SMIM14: variants seen among roughly 807,000 people sequenced by gnomAD.
SMIM14 encodes small integral membrane protein 14.
In SMIM14, 5 loss-of-function variants were observed where a neutral mutation model predicts 12.6. The observed-to-expected ratio is 0.40, with a 90% CI of 0.21 to 0.83. The LOEUF is 0.83. Among genes scored for constraint, SMIM14 ranks in the 40% least tolerant of loss-of-function variants. SMIM14 has a pLI of 0.37. For missense variants in SMIM14, 86 were observed against 119.1 expected (o/e 0.72, Z 1.29); for synonymous variants, 30 against 40.1 (o/e 0.75, Z 0.95).
rs780987245 is a variant in SMIM14, at chr4:39,572,469, A to G, written c.76-6T>C. On this transcript the variant is annotated splice_region_variant and splice_polypyrimidine_tract_variant and intron_variant, in intron 2 of 4. Transcript: ENST00000295958. Reference sequence around the variant, plus strand: ...TAGGACTGGGACTGCCGTAACTACAATGAATAAGAAAGGGAAGTTAGTGAT... The same window carrying G: ...TAGGACTGGGACTGCCGTAACTACAGTGAATAAGAAAGGGAAGTTAGTGAT... The G allele has an allele frequency of 3.7e-6, 6 of 1,605,998 alleles. No individual in the cohort carries two copies. Among genetic ancestry groups the G allele is most frequent in the Non-Finnish European group, 4.3e-6 (5 of 1,174,330 alleles).
chr4:39,601,576 G>A (rs1714612513), intron 2 of SMIM14, among the ~76,000 whole-genome samples: 1 of 152,120 alleles, frequency 6.6e-6, no homozygotes, highest in South Asian at 2.1e-4. Flanking sequence ...TACAGGCTGG[G>A]AGTTAACTTA....
intron 3 of SMIM14, among the ~76,000 whole-genome samples, chr4:39,570,583 A>G (rs757834333): frequency 6.6e-6 from 1 of 152,244 alleles, no homozygotes; most frequent in Non-Finnish European, 1.5e-5. Context: ...AGCAAAAAAT[A>G]TATCAGCAAC....
intron 1 of SMIM14, among the ~76,000 whole-genome samples, chr4:39,620,189 A>AG (rs1304483803): frequency 6.6e-6 from 1 of 151,834 alleles, no homozygotes; most frequent in Non-Finnish European, 1.5e-5. Context: ...GAAAAAAAAA[A>AG]AAAAATTCGG....
intron 3 of SMIM14, among the ~76,000 whole-genome samples, chr4:39,564,244 C>T (rs1712463068): frequency 6.6e-6 from 1 of 152,188 alleles, no homozygotes; most frequent in African/African-American, 2.4e-5. Flanking sequence ...TATGCTCTAA[C>T]CCTGTAGTTT....
chr4:39,623,228 A>G (rs1715570225), intron 1 of SMIM14, among the ~76,000 whole-genome samples: 1 of 152,210 alleles, frequency 6.6e-6, no homozygotes, highest in Admixed American at 6.5e-5. Context: ...ATGAAACAAA[A>G]CCACCATGAG....
At chr4:39,555,417 G>C (rs1047885848) in intron 4 of SMIM14, among the ~76,000 whole-genome samples, 4 of 151,798 alleles carry the variant, frequency 2.6e-5, no homozygotes, top group South Asian at 2.1e-4. Flanking sequence ...TATTTTAGTA[G>C]AGACAGGGTT....
intron 1 of SMIM14, among the ~76,000 whole-genome samples, chr4:39,612,986 C>T (rs1715091355): frequency 6.6e-6 from 1 of 152,152 alleles, no homozygotes; most frequent in African/African-American, 2.4e-5. Context: ...AAAGCACAAG[C>T]ACATTGGCTT....
chr4:39,552,477 G>A (rs1199504561), intron 4 of SMIM14, among the ~76,000 whole-genome samples: 2 of 152,150 alleles, frequency 1.3e-5, no homozygotes, highest in Non-Finnish European at 2.9e-5. Context: ...CCAACCCCAG[G>A]AGTGATCTTC....
chr4:39,619,779 A>G (rs1457487346), intron 1 of SMIM14, among the ~76,000 whole-genome samples: 1 of 139,184 alleles, frequency 7.2e-6, no homozygotes, highest in Non-Finnish European at 1.5e-5. Context: ...TAAATAATTT[A>G]TTATATATAT....
intron 2 of SMIM14, among the ~76,000 whole-genome samples, chr4:39,597,088 T>TA (rs1714401394): frequency 9.1e-6 from 1 of 109,308 alleles, no homozygotes; most frequent in African/African-American, 2.7e-5. Context: ...GGTTTCCCTT[T>TA]TTTTTTTTTT....
intron 2 of SMIM14, among the ~76,000 whole-genome samples, chr4:39,601,885 T>G (rs1714627604): frequency 1.3e-5 from 2 of 149,174 alleles, no homozygotes; most frequent in South Asian, 4.2e-4. Flanking sequence ...AGTTCAAGGT[T>G]GCAATGAGCT....
intron 1 of SMIM14, among the ~76,000 whole-genome samples, chr4:39,616,296 T>G (rs1715221141): frequency 6.6e-6 from 1 of 152,096 alleles, no homozygotes; most frequent in Non-Finnish European, 1.5e-5. Flanking sequence ...CCACCATACC[T>G]GGCTAATTTT....
chr4:39,586,883 G>A (rs1713810122), intron 2 of SMIM14, among the ~76,000 whole-genome samples: 2 of 151,984 alleles, frequency 1.3e-5, no homozygotes, highest in Non-Finnish European at 2.9e-5. Context: ...TAGCTGATTT[G>A]GTTCCCAGTG....
At chr4:39,564,342 A>G (rs1712467202) in intron 3 of SMIM14, among the ~76,000 whole-genome samples, 1 of 152,152 alleles carries the variant, frequency 6.6e-6, no homozygotes, top group African/African-American at 2.4e-5. Context: ...TCCCTAATGT[A>G]GATCTGTTAT....
intron 2 of SMIM14, among the ~76,000 whole-genome samples, chr4:39,590,623 G>A (rs544339069): frequency 1.2e-4 from 18 of 151,336 alleles, no homozygotes; most frequent in Non-Finnish European, 2.2e-4. Flanking sequence ...CCAACAAGGC[G>A]AAACCCCGTC....
In SMIM14 at chr4:39,583,418, A is replaced by C. The variant is rs763123788; in HGVS notation, c.76-10955T>G. 2.5e-4 allele frequency among the ~76,000 whole-genome samples: 38 copies of C among 152,056 alleles called. 1 individual carries two copies. Among genetic ancestry groups the C allele is most frequent in the African/African-American group, 8.7e-4 (36 of 41,342 alleles). On this transcript the variant is annotated intron_variant, in intron 2 of 4. Coordinates refer to ENST00000295958, the MANE Select transcript of SMIM14 (RefSeq NM_174921.3). ...TGGGCTATTATTCTAACTGGTTTTA[A>C]GTATTCCGATAATCAGCTTCAGGTC...
chr4:39,596,655 G>A (rs114698983), intron 2 of SMIM14, among the ~76,000 whole-genome samples: 249 of 152,208 alleles, frequency 1.6e-3, no homozygotes, highest in Middle Eastern at 0.01. Flanking sequence ...ATATCCCTTT[G>A]AACCTTTTTT....
chr4:39,638,363 G>C (rs1454839259), intron 1 of SMIM14: 1 of 652,126 alleles, frequency 1.5e-6, no homozygotes, highest in Non-Finnish European at 1.9e-6. Flanking sequence ...AGATAGTGTG[G>C]ATTTCAGGAT....
intron 2 of SMIM14, among the ~76,000 whole-genome samples, chr4:39,580,001 ATCTC>A (rs1334050677): frequency 6.6e-6 from 1 of 152,088 alleles, no homozygotes; most frequent in African/African-American, 2.4e-5. Context: ...AGAACAAAAA[ATCTC>A]TCTCTAGAGT....
Sources: allele counts gnomAD v4.1 joint callset (sites outside exome capture counted in the v4.1 genomes callset), GRCh38; gene constraint gnomAD v4.1.1; transcripts MANE v1.5; gene names NCBI Gene and HGNC (gene_info 2026-07-23, HGNC 2026-07-21).